Variants in LAMA4 observed in about 807,000 individuals in gnomAD.
The protein encoded by LAMA4 is laminin subunit alpha-4.
Under a neutral mutation model 207.1 loss-of-function variants are expected in LAMA4, and 127 were observed. The ratio of observed to expected loss-of-function variants is 0.61; its 90% confidence interval spans 0.53 to 0.71. The LOEUF is 0.71. LAMA4 is among the 30% of genes least tolerant of loss of function. The pLI is 0.00. For missense variants in LAMA4, 2,093 were observed against 2,246.5 expected (o/e 0.93, Z 1.38); for synonymous variants, 761 against 816.0 (o/e 0.93, Z 1.15).
intron 31 of LAMA4, among the ~76,000 whole-genome samples, chr6:112,123,494 A>G (rs1778496269): frequency 6.6e-6 from 1 of 152,324 alleles, no homozygotes; most frequent in Admixed American, 6.5e-5. Context: ...TCTGGAAGAT[A>G]TAAAGTAGAT....
rs1214389751 is a variant in LAMA4, at chr6:112,117,474, A to G, written c.4981+265T>C. 2.0e-5 allele frequency among the ~76,000 whole-genome samples: 3 copies of G among 152,174 alleles called. No homozygotes were observed. Among genetic ancestry groups the G allele is most frequent in the Non-Finnish European group, 4.4e-5 (3 of 68,032 alleles). On this transcript the variant is annotated intron_variant, in intron 35 of 38. Transcript: ENST00000230538. The surrounding 1 kb of genome is among the most constrained non-coding windows in gnomAD (Gnocchi z 4.5). ...GACATGGATCAGGCCACGGAGCAGC[A>G]TAGACATTCTAAAGGAGCCCAGGTG...
At position 112,115,939 on chromosome 6, in the gene LAMA4, C is replaced by G. The variant is rs369050940; in HGVS notation, c.5036G>C (p.Arg1679Thr). The change falls in exon 36 of 39, where the codon AGA becomes ACA. Residue 1679 changes from arginine to threonine, a missense_variant. Arg to Thr is a moderately conservative substitution (Grantham distance 71). This residue lies in a region of LAMA4 where 383 missense variants were observed against 437.8 expected (regional missense o/e 0.87). Coordinates refer to ENST00000230538, the MANE Select transcript of LAMA4 (RefSeq NM_001105206.3). ...GTGGACCAGGGTTCCGGAACTGCTT[C>G]TGGGACGGACTTCAAATGCAATTTC... ...KFEIAFEVRP[R>T]SSSGTLVHGH... 6.2e-7 allele frequency: 1 copy of G among 1,613,476 alleles called. No homozygotes were observed. Among genetic ancestry groups the G allele is most frequent in the Middle Eastern group, 1.7e-4 (1 of 6,056 alleles).
At chr6:112,190,883 CTTTCTTTCTTTCTTTCTTTCT>C (rs1554348408) in intron 6 of LAMA4, among the ~76,000 whole-genome samples, 3 of 55,134 alleles carry the variant, frequency 5.4e-5, no homozygotes, top group Non-Finnish European at 1.1e-4. Context: ...TTCTTTCTTT[CTTTCTTTCTTTCTTTCTTTCT>C]TTCTTTCTTT....
rs782320788 is a variant in LAMA4, at chr6:112,128,938, G to A, written c.4271C>T (p.Ala1424Val). The change falls in exon 31 of 39, where the codon GCA becomes GTA. Residue 1424 changes from alanine to valine, a missense_variant. By Grantham distance (64) the Ala-to-Val change is moderately conservative. This residue lies in a region of LAMA4 where 1,704 missense variants were observed against 1,788.4 expected (regional missense o/e 0.95). Transcript: ENST00000230538. Reference sequence around the variant, plus strand: ...ATCTTTTACCTTTTTATTCTGACTTGCTTTAGGCTTGGATAAATTTTTTCC... The same window carrying A: ...ATCTTTTACCTTTTTATTCTGACTTACTTTAGGCTTGGATAAATTTTTTCC... ...KKGKNLSKPK[A>V]SQNKKGGKSK... 2 of 1,613,008 alleles carry A rather than the reference G, an allele frequency of 1.2e-6. No individual in the cohort carries two copies. The highest frequency in any genetic ancestry group is 1.1e-5 in the South Asian group (1 of 91,062).
In LAMA4 at chr6:112,109,070, TTCC is replaced by T; in HGVS notation, c.*364_*366del. ...ATTTTTATATAGATTGAAAGTTATC[TTCC>T]CTGGAAGAAAGGTGAATCTGAGAAT... On this transcript the variant is annotated 3_prime_UTR_variant, in exon 39 of 39. Transcript: ENST00000230538. The T allele has an allele frequency of 3.6e-6, 1 of 279,088 alleles. No homozygotes were observed. The allele number at this position is 279,088 out of a possible 1,614,324, so 17.3% of individuals were successfully genotyped here. A position where few individuals can be genotyped will look rare whatever the true frequency, so the allele number is the denominator to read the frequency against.
intron 3 of LAMA4, among the ~76,000 whole-genome samples, chr6:112,208,448 C>G (rs1784189417): frequency 1.3e-5 from 2 of 152,146 alleles, no homozygotes; most frequent in African/African-American, 4.8e-5. Context: ...CCTATTTCCC[C>G]TGCCACCCTC....
chr6:112,245,999 A>G (rs1286684011), intron 2 of LAMA4, among the ~76,000 whole-genome samples: 3 of 152,196 alleles, frequency 2.0e-5, no homozygotes, highest in Non-Finnish European at 2.9e-5. Flanking sequence ...GTTTCTCATG[A>G]TAAAAAGACT....
In LAMA4 at chr6:112,175,418, C is replaced by T. The variant is rs1159049821; in HGVS notation, c.1252G>A (p.Glu418Lys). ...EHELSPKEIS[E>K]KLVLAQKMLE... is the part of the protein sequence containing the mutation. ...ATCTTCTGGGCCAACACCAGCTTCT[C>T]AGAGATTTCCTTGGGGCTAAGTTCA... The change falls in exon 11 of 39, where the codon GAG becomes AAG. Residue 418 changes from glutamate to lysine, a missense_variant. Glu to Lys is a moderately conservative substitution (Grantham distance 56). Around this residue, in one of 3 missense-constraint regions of LAMA4, gnomAD observed 1,704 missense variants for 1,788.4 expected, o/e 0.95. Coordinates refer to ENST00000230538, the MANE Select transcript of LAMA4 (RefSeq NM_001105206.3). The T allele has an allele frequency of 1.9e-6, 3 of 1,614,026 alleles. No homozygotes were observed. The highest frequency in any genetic ancestry group is 2.5e-6 in the Non-Finnish European group (3 of 1,179,996).
chr6:112,220,012 T>C (rs1784836939), intron 2 of LAMA4, among the ~76,000 whole-genome samples: 1 of 152,168 alleles, frequency 6.6e-6, no homozygotes, highest in Non-Finnish European at 1.5e-5. Flanking sequence ...AAATTTTTGC[T>C]GCTATTAACA....
chr6:112,156,577 G>T (rs1780726631), intron 14 of LAMA4, among the ~76,000 whole-genome samples: 1 of 151,972 alleles, frequency 6.6e-6, no homozygotes, highest in African/African-American at 2.4e-5. Context: ...TAAATCCTTT[G>T]TCTTAATTTT....
intron 32 of LAMA4, among the ~76,000 whole-genome samples, chr6:112,120,742 G>A (rs1191282450): frequency 3.9e-5 from 6 of 152,148 alleles, no homozygotes. Context: ...ACTGTGTCTT[G>A]GTTTGAAAAT....
chr6:112,167,568 G>A (rs1781451309), intron 12 of LAMA4, among the ~76,000 whole-genome samples: 1 of 152,144 alleles, frequency 6.6e-6, no homozygotes, highest in African/African-American at 2.4e-5. Flanking sequence ...TTTTGCAAAA[G>A]TATGCAAAAG....
At chr6:112,201,010 A>G (rs1783713994) in intron 5 of LAMA4, among the ~76,000 whole-genome samples, 2 of 152,016 alleles carry the variant, frequency 1.3e-5, no homozygotes, top group Admixed American at 6.6e-5. Flanking sequence ...CTGCACATGT[A>G]TCCCAGAACT....
chr6:112,127,417 G>A (rs782330014), intron 31 of LAMA4, among the ~76,000 whole-genome samples: 2 of 151,860 alleles, frequency 1.3e-5, no homozygotes, highest in Non-Finnish European at 2.9e-5. Flanking sequence ...ATACTTGGGA[G>A]AAGTGTGATC....
At chr6:112,113,195 A>G (rs184057876) in intron 38 of LAMA4, among the ~76,000 whole-genome samples, 1 of 152,344 alleles carries the variant, frequency 6.6e-6, no homozygotes, top group African/African-American at 2.4e-5. Context: ...ACACAAAGAA[A>G]AGATAAATGT....
chr6:112,190,944 T>TTTCTTTCCTTCCTTCCTTCC (rs1783054736), intron 6 of LAMA4, among the ~76,000 whole-genome samples: 1 of 41,626 alleles, frequency 2.4e-5, no homozygotes, highest in African/African-American at 9.6e-5. Context: ...TCTTTCTTTC[T>TTTCTTTCCTTCCTTCCTTCC]TTCCTTTCTT....
intron 12 of LAMA4, among the ~76,000 whole-genome samples, chr6:112,168,345 C>CTTTTTT (rs34395210): frequency 2.3e-5 from 3 of 129,314 alleles, no homozygotes; most frequent in South Asian, 2.6e-4. Flanking sequence ...AGCTAGTGTT[C>CTTTTTT]TTTTTTTTTT....
At chr6:112,110,192 G>A (rs587664759) in intron 38 of LAMA4, among the ~76,000 whole-genome samples, 41 of 145,026 alleles carry the variant, frequency 2.8e-4, no homozygotes, top group Admixed American at 1.1e-3. Flanking sequence ...TATGCCAAGG[G>A]AACTTTCTCC....
chr6:112,247,084 TAGAC>T (rs1787003094), intron 2 of LAMA4, among the ~76,000 whole-genome samples: 1 of 151,814 alleles, frequency 6.6e-6, no homozygotes, highest in African/African-American at 2.4e-5. Context: ...TACCTGAAGA[TAGAC>T]AGAGGCAGAG....
Sources: allele counts gnomAD v4.1 joint callset (sites outside exome capture counted in the v4.1 genomes callset), GRCh38; gene constraint gnomAD v4.1.1; regional missense constraint gnomAD v4.1.1; non-coding constraint Gnocchi (gnomAD v3.1); transcripts MANE v1.5; gene names NCBI Gene and HGNC (gene_info 2026-07-23, HGNC 2026-07-21).